Variants in KIAA1549L observed in about 807,000 individuals in gnomAD.
KIAA1549L encodes the protein UPF0606 protein KIAA1549L.
Under a neutral mutation model 160.7 loss-of-function variants are expected in KIAA1549L, and 88 were observed. The observed-to-expected ratio is 0.55, with a 90% CI of 0.46 to 0.65. KIAA1549L has a LOEUF of 0.65. KIAA1549L is among the 30% of genes least tolerant of loss of function. KIAA1549L has a pLI of 0.00. For missense variants in KIAA1549L, 2,258 were observed against 2,437.5 expected (o/e 0.93, Z 1.55); for synonymous variants, 950 against 976.7 (o/e 0.97, Z 0.51).
chr11:33,561,173 C>G (rs1390655689), intron 7 of KIAA1549L, among the ~76,000 whole-genome samples: 2 of 152,152 alleles, frequency 1.3e-5, no homozygotes, highest in Non-Finnish European at 2.9e-5. Flanking sequence ...ATAATCATTC[C>G]TAACAATGTT....
intron 1 of KIAA1549L, among the ~76,000 whole-genome samples, chr11:33,435,786 A>ATGTGTGTGTGTGTGTGTG (rs1287703565): frequency 5.3e-5 from 1 of 18,970 alleles, no homozygotes. Context: ...ATATATATAT[A>ATGTGTGTGTGTGTGTGTG]TATATATATA....
intron 1 of KIAA1549L, among the ~76,000 whole-genome samples, chr11:33,464,753 T>G (rs1008627007): frequency 6.6e-6 from 1 of 152,118 alleles, no homozygotes; most frequent in African/African-American, 2.4e-5. Context: ...TCTCCATGGT[T>G]CCAGGATCAA....
At chr11:33,520,734 CACACA>C (rs1853470513) in intron 1 of KIAA1549L, among the ~76,000 whole-genome samples, 1 of 147,692 alleles carries the variant, frequency 6.8e-6, no homozygotes, top group Non-Finnish European at 1.5e-5. Flanking sequence ...CACACACACA[CACACA>C]CTCCCTCTCT....
At chr11:33,412,037 G>A (rs1850795395) in intron 1 of KIAA1549L, among the ~76,000 whole-genome samples, 1 of 152,226 alleles carries the variant, frequency 6.6e-6, no homozygotes, top group Admixed American at 6.5e-5. Context: ...CTGAAATGTA[G>A]CGTCGGATCA....
At chr11:33,606,972 T>G in intron 14 of KIAA1549L, 150 bp downstream of exon 14, 1 of 618,986 alleles carries the variant, frequency 1.6e-6, no homozygotes, top group Non-Finnish European at 2.7e-6. Context: ...CTCTGCAGAA[T>G]GAATCAGGAC....
chr11:33,427,502 C>T (rs898671610), intron 1 of KIAA1549L, among the ~76,000 whole-genome samples: 1 of 152,172 alleles, frequency 6.6e-6, no homozygotes, highest in African/African-American at 2.4e-5. Flanking sequence ...CATCCCCCTT[C>T]GCTGCTATAC....
intron 10 of KIAA1549L, among the ~76,000 whole-genome samples, chr11:33,580,602 G>GAAAAT (rs3039004): frequency 7.2e-6 from 1 of 138,350 alleles, no homozygotes; most frequent in African/African-American, 2.7e-5. Context: ...GAAAAGAAAA[G>GAAAAT]AAAAAAAAAG....
intron 17 of KIAA1549L, 26 bp from the exon 18 acceptor site, chr11:33,655,986 C>G: frequency 6.5e-7 from 1 of 1,541,746 alleles, no homozygotes; most frequent in Non-Finnish European, 9.0e-7. Flanking sequence ...TAACAACTCT[C>G]CCTGTATTGC....
chr11:33,500,513 C>T (rs1264785059), intron 1 of KIAA1549L, among the ~76,000 whole-genome samples: 1 of 152,150 alleles, frequency 6.6e-6, no homozygotes, highest in Non-Finnish European at 1.5e-5. Flanking sequence ...GCTGTGGAGT[C>T]TTTCTTAATC....
chr11:33,618,696 T>C (rs1253373954), intron 16 of KIAA1549L, 34 bp downstream of exon 16: 1 of 1,520,152 alleles, frequency 6.6e-7, no homozygotes, highest in Admixed American at 2.1e-5. Context: ...AATACAAGCT[T>C]TCCTTTCCCC....
rs139917807 is a variant in KIAA1549L, at chr11:33,411,563, C to T, written c.238+34674C>T. On this transcript the variant is annotated intron_variant, in intron 1 of 20. Transcript: ENST00000658780. ...AGTTGGAAACTCTTGGGTCATTGCC[C>T]AACCTTATTTGTTTGTTTGTTTTGT... Among the ~76,000 whole-genome samples, 1,019 of 152,306 alleles carry T rather than the reference C, an allele frequency of 6.7e-3. 9 individuals carry two copies. Among genetic ancestry groups the T allele is most frequent in the Non-Finnish European group, 0.01 (709 of 68,016 alleles).
chr11:33,428,694 C>T (rs984073043), intron 1 of KIAA1549L, among the ~76,000 whole-genome samples: 1 of 152,184 alleles, frequency 6.6e-6, no homozygotes, highest in Non-Finnish European at 1.5e-5. Flanking sequence ...TTAACCCAGT[C>T]TATCATTTAT....
chr11:33,574,683 G>T lies in KIAA1549L; in HGVS notation c.4231-19G>T. ...ATGCAAAATGCCCTGCAAACACTCG[G>T]CCTCTCTTTTTCCGAAAGATGGTGA... On this transcript the variant is annotated intron_variant, in intron 9 of 20. Coordinates refer to ENST00000658780, the MANE Select transcript of KIAA1549L (RefSeq NM_012194.3). 1 of 1,602,260 alleles carries T rather than the reference G, an allele frequency of 6.2e-7. No individual in the cohort carries two copies. Among genetic ancestry groups the T allele is most frequent in the Non-Finnish European group, 8.5e-7 (1 of 1,171,760 alleles).
At chr11:33,519,702 AG>A (rs1303184225) in intron 1 of KIAA1549L, among the ~76,000 whole-genome samples, 1 of 152,180 alleles carries the variant, frequency 6.6e-6, no homozygotes, top group East Asian at 1.9e-4. Context: ...CTTTCTTTAG[AG>A]GGGGGTACAT....
At chr11:33,642,196 A>T (rs970497303) in intron 16 of KIAA1549L, among the ~76,000 whole-genome samples, 1 of 152,156 alleles carries the variant, frequency 6.6e-6, no homozygotes, top group African/African-American at 2.4e-5. Context: ...CATTTTACAG[A>T]TGAGGAGCCT....
intron 1 of KIAA1549L, among the ~76,000 whole-genome samples, chr11:33,507,995 T>G (rs1304303334): frequency 6.6e-6 from 1 of 152,218 alleles, no homozygotes; most frequent in Non-Finnish European, 1.5e-5. Flanking sequence ...AGGACTGGGC[T>G]GCCAAGAGAG....
At chr11:33,424,698 C>G (rs748237564) in intron 1 of KIAA1549L, among the ~76,000 whole-genome samples, 9 of 152,224 alleles carry the variant, frequency 5.9e-5, no homozygotes, top group African/African-American at 1.9e-4. Context: ...CATACATGCT[C>G]TACTCTGGGT....
intron 1 of KIAA1549L, among the ~76,000 whole-genome samples, chr11:33,381,038 T>C (rs766496846): frequency 3.9e-5 from 6 of 151,926 alleles, no homozygotes; most frequent in Non-Finnish European, 8.8e-5. Context: ...TTTTGTTCGT[T>C]ACCGTTACCT....
chr11:33,559,999 C>A lies in KIAA1549L; in HGVS notation c.4018+88C>A, dbSNP rs1854790914. The A allele has an allele frequency of 6.7e-6, 3 of 446,330 alleles. No individual in the cohort carries two copies. The Admixed American group carries it at 1.3e-4, about 19-fold the overall frequency. The allele number at this position is 446,330 out of a possible 1,614,324, so 27.6% of individuals were successfully genotyped here. ...AACATTTATAGTGCCAGGCCACATA[C>A]TACCACCTTTATCATAAAGTGACAG... On this transcript the variant is annotated intron_variant, in intron 7 of 20. Transcript: ENST00000658780.
Sources: allele counts gnomAD v4.1 joint callset (sites outside exome capture counted in the v4.1 genomes callset), GRCh38; gene constraint gnomAD v4.1.1; transcripts MANE v1.5; gene names NCBI Gene and HGNC (gene_info 2026-07-23, HGNC 2026-07-21).